The following ELP1 variants were observed in gnomAD, a reference collection of about 807,000 sequenced individuals.
ELP1 encodes the protein elongator complex protein 1.
A neutral mutation model predicts 183.2 loss-of-function variants in ELP1; 131 were observed. The ratio of observed to expected loss-of-function variants is 0.72; its 90% CI spans 0.62 to 0.83. The LOEUF is 0.83. Among genes scored for constraint, ELP1 ranks in the 40% least tolerant of loss-of-function variants. The pLI, the probability that ELP1 is intolerant of heterozygous loss-of-function variation, is 0.00. For synonymous variants in ELP1, 555 were observed against 569.0 expected, an observed-to-expected ratio of 0.98 and a Z score of 0.35; for missense variants, 1,550 against 1,594.9, an observed-to-expected ratio of 0.97 and a Z score of 0.48.
chr9:108,900,824 CCACACACA>C (rs1158252539), intron 18 of ELP1, among the ~76,000 whole-genome samples: 4 of 104,272 alleles, frequency 3.8e-5, no homozygotes, highest in South Asian at 3.7e-4. Context: ...CACATACACG[CCACACACA>C]CATACACGCC....
At position 108,913,064 on chromosome 9, in the gene ELP1, T is replaced by A. The variant is rs187132698; in HGVS notation, c.959-570A>T. Among the ~76,000 whole-genome samples the A allele has an allele frequency of 1.9e-4, 29 of 152,222 alleles. No homozygotes were observed. In the East Asian group the frequency reaches 5.0e-3, roughly 26 times the overall value. On this transcript the variant is annotated intron_variant, in intron 10 of 36. Coordinates refer to ENST00000374647, the MANE Select transcript of ELP1 (RefSeq NM_003640.5). The stretch of plus-strand genomic sequence containing the variant: ...CCTGAGCCACCGTGCCTGGCCCACA[T>A]GTTTATTTTCAACTTTACTTCCAAA...
chr9:108,902,841 C>A lies in ELP1; in HGVS notation c.1852G>T (p.Glu618Ter). 5 of 1,611,048 alleles carry A rather than the reference C, an allele frequency of 3.1e-6. No individual in the cohort carries two copies. The highest frequency in any genetic ancestry group is 4.2e-6 in the Non-Finnish European group (5 of 1,177,246). The part of the protein sequence containing the change: ...TQTELAMIGE[E>*]ECVLGLTDRC... Reference sequence around the variant, plus strand: ...TTTCCTGCTCCGTGTTCACCTACCTCTTCTCCAATCATGGCCAATTCGGTC... The same window carrying A: ...TTTCCTGCTCCGTGTTCACCTACCTATTCTCCAATCATGGCCAATTCGGTC... Residue 618 changes from glutamate to a stop codon, truncating the protein, a stop_gained and splice_region_variant, in exon 16 of 37, where the codon GAG becomes TAG. Coordinates refer to ENST00000374647, the MANE Select transcript of ELP1 (RefSeq NM_003640.5). LOFTEE classifies it high-confidence loss of function.
At chr9:108,896,374 T>C in intron 25 of ELP1, 122 bp downstream of exon 25, 1 of 870,334 alleles carries the variant, frequency 1.1e-6, no homozygotes, top group South Asian at 1.4e-5. Context: ...CTCACAGATC[T>C]GTCTCCAGCC....
chr9:108,886,318 T>G (rs1011034346), intron 29 of ELP1, among the ~76,000 whole-genome samples: 1 of 152,138 alleles, frequency 6.6e-6, no homozygotes, highest in Non-Finnish European at 1.5e-5. Context: ...CACCCCTCAT[T>G]TTTGTCACCC....
chr9:108,904,122 A>C (rs1828927444), intron 14 of ELP1, among the ~76,000 whole-genome samples: 1 of 152,224 alleles, frequency 6.6e-6, no homozygotes, highest in South Asian at 2.1e-4. Flanking sequence ...AGCACACTCA[A>C]TATCTCTATC....
At chr9:108,896,707 C>T in intron 24 of ELP1, 63 bp from the exon 25 acceptor site, 1 of 1,477,722 alleles carries the variant, frequency 6.8e-7, no homozygotes, top group South Asian at 1.1e-5. Flanking sequence ...ACAGACCTAA[C>T]AACATAACCA....
intron 18 of ELP1, among the ~76,000 whole-genome samples, chr9:108,900,925 G>A (rs757303708): frequency 0.037 from 3,086 of 82,508 alleles, 98 homozygotes; most frequent in African/African-American, 0.072. Context: ...ACACATACAC[G>A]CCACACACAC....
At chr9:108,886,341 A>T (rs1032383258) in intron 29 of ELP1, among the ~76,000 whole-genome samples, 1 of 152,242 alleles carries the variant, frequency 6.6e-6, no homozygotes, top group African/African-American at 2.4e-5. Flanking sequence ...CAATGACAGC[A>T]GCATTATCCT....
chr9:108,870,120 T>G (rs1827391139), intron 36 of ELP1, among the ~76,000 whole-genome samples: 1 of 152,034 alleles, frequency 6.6e-6, no homozygotes, highest in South Asian at 2.1e-4. Flanking sequence ...GGACTACAAG[T>G]GTACACCACC....
chr9:108,892,985 C>T lies in ELP1; in HGVS notation c.2958+1G>A, dbSNP rs1239081703. The T allele has an allele frequency of 3.1e-6, 5 of 1,606,710 alleles. No homozygotes were observed. The highest frequency in any genetic ancestry group is 8.5e-7 in the Non-Finnish European group (1 of 1,173,352). On this transcript the variant is annotated splice_donor_variant, in intron 27 of 36. Coordinates refer to ENST00000374647, the MANE Select transcript of ELP1 (RefSeq NM_003640.5). LOFTEE classifies it high-confidence loss of function. ...GAGCCTCATTTTCACATACCACATA[C>T]CTGGTACTGTTGTGAGCTTGGTGAA... is the stretch of plus-strand genomic sequence containing the variant.
chr9:108,891,406 T>A lies in ELP1; in HGVS notation c.2959-2A>T. On this transcript the variant is annotated splice_acceptor_variant, in intron 27 of 36. Transcript: ENST00000374647. LOFTEE classifies it high-confidence loss of function. ...CTCCCCATAAGCAATGCTGATATCC[T>A]GTGACAAGAGGAGATTTAGGACTGA... The A allele has an allele frequency of 6.2e-7, 1 of 1,613,008 alleles. No individual in the cohort carries two copies. Among genetic ancestry groups the A allele is most frequent in the Non-Finnish European group, 8.5e-7 (1 of 1,179,750 alleles).
intron 5 of ELP1, among the ~76,000 whole-genome samples, chr9:108,924,377 T>C (rs1244415311): frequency 6.6e-6 from 1 of 151,682 alleles, no homozygotes; most frequent in African/African-American, 2.4e-5. Flanking sequence ...TATTCATCAC[T>C]CCATAGAATG....
At chr9:108,885,585 A>G (rs1376953412) in intron 29 of ELP1, among the ~76,000 whole-genome samples, 1 of 152,236 alleles carries the variant, frequency 6.6e-6, no homozygotes, top group African/African-American at 2.4e-5. Context: ...AAACATTTAA[A>G]GAAAAAAATA....
intron 35 of ELP1, among the ~76,000 whole-genome samples, chr9:108,877,033 C>T (rs1204589043): frequency 6.6e-6 from 1 of 152,160 alleles, no homozygotes; most frequent in Non-Finnish European, 1.5e-5. Context: ...CACACCTGGC[C>T]CGACCGGCTG....
intron 10 of ELP1, among the ~76,000 whole-genome samples, chr9:108,913,788 A>C (rs1363674262): frequency 6.6e-6 from 1 of 152,170 alleles, no homozygotes; most frequent in Non-Finnish European, 1.5e-5. Context: ...CTAGGACTAC[A>C]GGCGCGCACC....
chr9:108,874,024 G>A (rs1377971868), intron 36 of ELP1, among the ~76,000 whole-genome samples: 4 of 152,134 alleles, frequency 2.6e-5, no homozygotes, highest in Non-Finnish European at 5.9e-5. Context: ...TGTTCTTCCT[G>A]GTAGCAACAT....
At position 108,900,311 on chromosome 9, in the gene ELP1, C is replaced by G. The variant is rs1828723338; in HGVS notation, c.2079G>C (p.Arg693Ser). Residue 693 changes from arginine (R) to serine (S), a missense_variant, in exon 19 of 37, where the codon AGG becomes AGC. Transcript: ENST00000374647. ...GCACAACAGTGACAATCCGTGAACC[C>G]CTCTCCACTTTCCGCAGAACTTCCC... ...SHGEVLRKVE[R>S]GSRIVTVVPQ... 1 of 1,613,930 alleles carries G rather than the reference C, an allele frequency of 6.2e-7. No individual in the cohort carries two copies. The highest frequency in any genetic ancestry group is 1.7e-5 in the Admixed American group (1 of 59,996).
At chr9:108,919,370 C>T (rs745941578) in intron 6 of ELP1, 21 bp from the exon 7 acceptor site, 1 of 1,506,722 alleles carries the variant, frequency 6.6e-7, no homozygotes, top group Non-Finnish European at 9.2e-7. Context: ...GAACAAACAC[C>T]AATATTACTG....
intron 35 of ELP1, 69 bp downstream of exon 35, chr9:108,877,926 G>T: frequency 6.5e-7 from 1 of 1,528,508 alleles, no homozygotes; most frequent in Non-Finnish European, 9.1e-7. Context: ...TTTTGACTTG[G>T]AGATTGTGTG....
Sources: gnomAD v4.1 joint callset for allele counts (sites outside exome capture counted in the v4.1 genomes callset) on GRCh38, gnomAD v4.1.1 for gene constraint, MANE v1.5 for transcripts, NCBI Gene and HGNC (gene_info 2026-07-23, HGNC 2026-07-21) for gene names.